Variants in ZFP62 observed in about 807,000 individuals in gnomAD.
The protein encoded by ZFP62 is zinc finger protein 62 homolog.
A neutral mutation model predicts 56.4 loss-of-function variants in ZFP62; 44 were observed. The ratio of observed to expected loss-of-function variants is 0.78; its 90% CI spans 0.61 to 1.00. The LOEUF (loss-of-function observed/expected upper bound fraction) is 1.00, where lower values mean the gene tolerates loss of function less well. ZFP62 is among the 50% of genes least tolerant of loss of function. The pLI is 0.00. For synonymous variants in ZFP62, 421 were observed against 388.9 expected, an observed-to-expected ratio of 1.08 and a Z score of -0.97; for missense variants, 1,030 against 1,085.7, an observed-to-expected ratio of 0.95 and a Z score of 0.72.
At chr5:180,855,616 G>A (rs1773929720) in intron 1 of ZFP62, among the ~76,000 whole-genome samples, 1 of 152,014 alleles carries the variant, frequency 6.6e-6, no homozygotes, top group Admixed American at 6.6e-5. Flanking sequence ...CAATTACAGA[G>A]CCTCATATCC....
Position 180,849,853 on chromosome 5 carries a change from G to T in ZFP62, c.1642C>A (p.Leu548Ile). Residue 548 changes from leucine to isoleucine, a missense_variant, in exon 2 of 2, where the codon CTT becomes ATT. Leu to Ile is a conservative substitution (Grantham distance 5). Coordinates refer to ENST00000502412, the MANE Select transcript of ZFP62 (RefSeq NM_001172638.2). ...GTGTGGATTCGTTTATGTACTTTAAGGCCAGAATTATTTCTGAAAGCTTTA... is the reference window on the plus strand; with the variant it reads ...GTGTGGATTCGTTTATGTACTTTAATGCCAGAATTATTTCTGAAAGCTTTA... ...CGKAFRNNSG[L>I]KVHKRIHTGE... 6.4e-7 allele frequency: 1 copy of T among 1,551,734 alleles called. No individual in the cohort carries two copies.
Position 180,848,625 on chromosome 5 carries a change from C to A in ZFP62, c.*167G>T. On this transcript the variant is annotated 3_prime_UTR_variant, in exon 2 of 2. Transcript: ENST00000502412. The stretch of plus-strand genomic sequence containing the variant: ...GAGCTGAACTACCTTGACACTGGAG[C>A]CTTTCTTGCTTGCTATGATTGAAAA... 2.2e-6 allele frequency: 3 copies of A among 1,363,174 alleles called. No individual in the cohort carries two copies. Among genetic ancestry groups the A allele is most frequent in the Non-Finnish European group, 2.8e-6 (3 of 1,060,324 alleles). 84.4% of individuals were successfully genotyped at this position (1,363,174 alleles called of 1,614,324 possible).
chr5:180,847,992 AG>A lies in ZFP62; in HGVS notation c.*799del. 1.0e-6 allele frequency: 1 copy of A among 985,456 alleles called. No individual in the cohort carries two copies. The highest frequency in any genetic ancestry group is 1.2e-6 in the Non-Finnish European group (1 of 829,930). 61.0% of individuals were successfully genotyped at this position (985,456 alleles called of 1,614,324 possible). A position where few individuals can be genotyped will look rare whatever the true frequency, so the allele number is the denominator to read the frequency against. On this transcript the variant is annotated 3_prime_UTR_variant, in exon 2 of 2. Transcript: ENST00000502412. ...AATGTGTCAAAATCCTCTCCACGGT[AG>A]AACCTTTTATTGTAGCATAATGTGT...
At chr5:180,845,826 T>C (rs900129787), downstream of ZFP62, 28 of 985,344 alleles carry the variant, frequency 2.8e-5, no homozygotes, top group Admixed American at 3.1e-4. Context: ...AAAATTCCCC[T>C]GCATTGCAGG....
At chr5:180,830,283 T>G in the ZFP62 span, 1 of 152,322 alleles carries the variant, frequency 6.6e-6, no homozygotes, top group Non-Finnish European at 1.5e-5. Flanking sequence ...TCCTATTTCC[T>G]GAGCTTCCCT....
At chr5:180,854,351 T>C (rs1773863145) in intron 1 of ZFP62, among the ~76,000 whole-genome samples, 1 of 152,242 alleles carries the variant, frequency 6.6e-6, no homozygotes, top group Non-Finnish European at 1.5e-5. Flanking sequence ...TTCATGAGTC[T>C]ACACAGGTAC....
chr5:180,850,522 G>C lies in ZFP62; in HGVS notation c.973C>G (p.Leu325Val). Residue 325 changes from leucine (L) to valine (V), a missense_variant, in exon 2 of 2, where the codon CTC (leucine) becomes GTC (valine). Coordinates refer to ENST00000502412, the MANE Select transcript of ZFP62 (RefSeq NM_001172638.2). Reference sequence around the variant, plus strand: ...CCAAAGTGGATGCTTTTATGGTTGAGAAGTGTTCTACAAGTAATGAAGGCC... The same window carrying C: ...CCAAAGTGGATGCTTTTATGGTTGACAAGTGTTCTACAAGTAATGAAGGCC... Reference protein sequence around the residue: ...GKAFITCRTLLNHKSIHFGDK... With the variant: ...GKAFITCRTLVNHKSIHFGDK... 1 of 1,553,266 alleles carries C rather than the reference G, an allele frequency of 6.4e-7. No individual in the cohort carries two copies. The highest frequency in any genetic ancestry group is 8.7e-7 in the Non-Finnish European group (1 of 1,147,984).
At chr5:180,843,396 T>TG (rs1300446687), downstream of ZFP62, among the ~76,000 whole-genome samples, 11 of 152,118 alleles carry the variant, frequency 7.2e-5, no homozygotes, top group Admixed American at 7.2e-4. Flanking sequence ...TAAATGATCC[T>TG]GTTAAAGTAA....
At chr5:180,855,361 T>C (rs1368822238) in intron 1 of ZFP62, among the ~76,000 whole-genome samples, 1 of 152,200 alleles carries the variant, frequency 6.6e-6, no homozygotes, top group East Asian at 1.9e-4. Context: ...CTGCCTGTTG[T>C]ATCTGGAAAA....
the ZFP62 span, chr5:180,831,838 ACTTT>A: frequency 6.6e-5 from 10 of 152,464 alleles, no homozygotes; most frequent in African/African-American, 2.4e-4. Flanking sequence ...TCCACCTGGA[ACTTT>A]CTTCCTTTTC....
the ZFP62 span, chr5:180,835,802 C>T: frequency 6.6e-6 from 1 of 152,284 alleles, no homozygotes; most frequent in Admixed American, 6.5e-5. Context: ...ATTTCAAGTG[C>T]AGTATGAAAC....
chr5:180,827,345 T>C, the ZFP62 span, among the ~76,000 whole-genome samples: 6 of 152,222 alleles, frequency 3.9e-5, no homozygotes, highest in Non-Finnish European at 7.3e-5. Context: ...CTCCATTCTG[T>C]TCTGTACTAA....
At chr5:180,837,986 G>A in the ZFP62 span, among the ~76,000 whole-genome samples, 1 of 152,174 alleles carries the variant, frequency 6.6e-6, no homozygotes, top group Non-Finnish European at 1.5e-5. Flanking sequence ...CAATGCACTT[G>A]ATGTAAAGTT....
Position 180,851,365 on chromosome 5 carries a change from C to G in ZFP62, c.130G>C (p.Val44Leu). Reference sequence around the variant, plus strand: ...TGATTCTCTACCTTGCTATCCCAAACACATGTGTCACCAACCTTAGATTCA... The same window carrying G: ...TGATTCTCTACCTTGCTATCCCAAAGACATGTGTCACCAACCTTAGATTCA... ...MPESKVGDTC[V>L]WDSKVENQQK... The change falls in exon 2 of 2, where the codon GTT (valine) becomes CTT (leucine). Residue 44 changes from valine to leucine, a missense_variant. By Grantham distance (32) the Val-to-Leu change is conservative (BLOSUM62 1). Coordinates refer to ENST00000502412, the MANE Select transcript of ZFP62 (RefSeq NM_001172638.2). 1 of 1,551,708 alleles carries G rather than the reference C, an allele frequency of 6.4e-7. No individual in the cohort carries two copies. Among genetic ancestry groups the G allele is most frequent in the South Asian group, 1.2e-5 (1 of 84,062 alleles).
rs149065023 is a variant in ZFP62, at chr5:180,848,973, C to T, written c.2522G>A (p.Arg841Gln). 681 of 1,551,824 alleles carry T rather than the reference C, an allele frequency of 4.4e-4. 1 individual carries two copies. In the African/African-American group the frequency reaches 8.2e-3, roughly 19 times the overall value. ...KRIHTGKKPY[R>Q]CNECGKAFNI... ...AAAAGCCTTACCACACTCATTACAT[C>T]GGTATGGCTTCTTTCCAGTGTGGAT... is the stretch of plus-strand genomic sequence containing the variant. Residue 841 changes from arginine (R) to glutamine (Q), a missense_variant, in exon 2 of 2, where the codon CGA becomes CAA. Transcript: ENST00000502412.
At chr5:180,837,467 GAC>G in the ZFP62 span, among the ~76,000 whole-genome samples, 1 of 152,202 alleles carries the variant, frequency 6.6e-6, no homozygotes, top group Non-Finnish European at 1.5e-5. Flanking sequence ...GAAGCTGAAT[GAC>G]AGATGTCGGC....
At chr5:180,827,228 A>G in the ZFP62 span, among the ~76,000 whole-genome samples, 1 of 152,202 alleles carries the variant, frequency 6.6e-6, no homozygotes, top group East Asian at 1.9e-4. Flanking sequence ...TTCTGCTCAC[A>G]TTGCATTGGC....
the ZFP62 span, among the ~76,000 whole-genome samples, chr5:180,840,035 G>A: frequency 5.7e-3 from 838 of 147,832 alleles, 10 homozygotes; most frequent in African/African-American, 0.02. Flanking sequence ...TTGTGGGACT[G>A]CCTAAAGAAA....
chr5:180,845,506 C>T (rs755018822), downstream of ZFP62, among the ~76,000 whole-genome samples: 7 of 152,134 alleles, frequency 4.6e-5, no homozygotes, highest in East Asian at 1.9e-4. Flanking sequence ...TTCATGCAAA[C>T]GGCTTCCTTC....
Sources: gnomAD v4.1 joint callset for allele counts (sites outside exome capture counted in the v4.1 genomes callset) on GRCh38, gnomAD v4.1.1 for gene constraint, MANE v1.5 for transcripts, NCBI Gene and HGNC (gene_info 2026-07-23, HGNC 2026-07-21) for gene names.